RFTN2: variants seen among roughly 807,000 people sequenced by gnomAD.
RFTN2 encodes the protein raftlin family member 2.
RFTN2 carries 34 observed loss-of-function variants against 52.7 expected under a neutral mutation model. The observed-to-expected ratio is 0.64, with a 90% CI of 0.49 to 0.86. The LOEUF is 0.86. Among genes scored for constraint, RFTN2 ranks in the 40% least tolerant of loss-of-function variants. The pLI is 0.00. For missense variants in RFTN2, 536 were observed against 600.1 expected, an observed-to-expected ratio of 0.89 and a Z score of 1.12; for synonymous variants, 203 against 217.7, an observed-to-expected ratio of 0.93 and a Z score of 0.59.
intron 1 of RFTN2, among the ~76,000 whole-genome samples, chr2:197,664,943 G>A (rs377105528): frequency 3.3e-5 from 5 of 152,304 alleles, no homozygotes; most frequent in South Asian, 4.1e-4. Flanking sequence ...TTTAAATCCA[G>A]TCTTTCATTG....
intron 8 of RFTN2, among the ~76,000 whole-genome samples, chr2:197,579,880 G>A (rs553169253): frequency 2.6e-5 from 4 of 152,128 alleles, no homozygotes; most frequent in African/African-American, 7.2e-5. Flanking sequence ...CACCTGGTCT[G>A]GCTTACAGTT....
At chr2:197,646,734 T>A in intron 1 of RFTN2, 68 bp from the exon 2 acceptor site, 1 of 1,226,462 alleles carries the variant, frequency 8.2e-7, no homozygotes. Flanking sequence ...TTTCTACCTA[T>A]GGGTGATAAT....
chr2:197,580,510 A>T (rs1057434472), intron 8 of RFTN2, among the ~76,000 whole-genome samples: 2 of 152,050 alleles, frequency 1.3e-5, no homozygotes, highest in African/African-American at 4.8e-5. Flanking sequence ...CCTGGCAGCC[A>T]CTCCCAGAGC....
At chr2:197,649,198 G>A (rs1186707695) in intron 1 of RFTN2, among the ~76,000 whole-genome samples, 2 of 152,280 alleles carry the variant, frequency 1.3e-5, no homozygotes, top group South Asian at 2.1e-4. Context: ...AAAAACATAG[G>A]CAGTGACGTG....
chr2:197,594,532 A>G (rs1007683734), intron 8 of RFTN2, among the ~76,000 whole-genome samples: 100 of 151,962 alleles, frequency 6.6e-4, no homozygotes, highest in African/African-American at 2.2e-3. Context: ...GGGTCTGCCA[A>G]TGTTTCCCAG....
At chr2:197,590,609 G>A (rs547087718) in intron 8 of RFTN2, among the ~76,000 whole-genome samples, 1 of 152,214 alleles carries the variant, frequency 6.6e-6, no homozygotes, top group Non-Finnish European at 1.5e-5. Flanking sequence ...CTCTCACGGT[G>A]AGTGTTATGG....
At chr2:197,614,418 C>T (rs1012319097) in intron 7 of RFTN2, among the ~76,000 whole-genome samples, 2 of 152,102 alleles carry the variant, frequency 1.3e-5, no homozygotes, top group African/African-American at 4.8e-5. Flanking sequence ...CCACCTCTAC[C>T]CTCAATAAAA....
chr2:197,579,682 C>G (rs1360145305), intron 8 of RFTN2, among the ~76,000 whole-genome samples: 1 of 152,072 alleles, frequency 6.6e-6, no homozygotes, highest in African/African-American at 2.4e-5. Context: ...CCTACCTGTC[C>G]CCTCAGTCCC....
chr2:197,611,009 GT>G (rs1301003333), intron 7 of RFTN2, among the ~76,000 whole-genome samples: 1 of 152,196 alleles, frequency 6.6e-6, no homozygotes, highest in East Asian at 1.9e-4. Flanking sequence ...GCTGGATTCG[GT>G]TTGCCAGTAT....
Position 197,675,313 on chromosome 2 carries a change from A to C in RFTN2, c.139+7T>G, listed in dbSNP as rs1304163661. The C allele has an allele frequency of 6.3e-7, 1 of 1,579,800 alleles. No homozygotes were observed. ...CATTTAACAAACAAAATAGAAGCAA[A>C]AAGTACCTTGTAGAGTAAAATCCAG... On this transcript the variant is annotated splice_region_variant and intron_variant, in intron 1 of 8. Transcript: ENST00000295049.
intron 8 of RFTN2, among the ~76,000 whole-genome samples, chr2:197,590,128 C>T (rs991803659): frequency 4.0e-5 from 6 of 151,792 alleles, no homozygotes; most frequent in African/African-American, 1.5e-4. Context: ...TGGTCTCACA[C>T]TCCTGGATTC....
chr2:197,589,856 G>C (rs1039325641), intron 8 of RFTN2, among the ~76,000 whole-genome samples: 11 of 151,994 alleles, frequency 7.2e-5, no homozygotes, highest in Non-Finnish European at 1.3e-4. Flanking sequence ...TTTATATTTT[G>C]ATGAATTATA....
intron 3 of RFTN2, 31 bp downstream of exon 3, chr2:197,644,127 T>A (rs1409046968): frequency 8.6e-7 from 1 of 1,165,638 alleles, no homozygotes; most frequent in East Asian, 2.3e-5. Flanking sequence ...TGTTTGTCAA[T>A]ATCCCATGAA....
At chr2:197,665,329 C>T (rs2089036572) in intron 1 of RFTN2, among the ~76,000 whole-genome samples, 1 of 152,016 alleles carries the variant, frequency 6.6e-6, no homozygotes, top group Non-Finnish European at 1.5e-5. Context: ...TATTTACTGT[C>T]TGGATGATCT....
intron 8 of RFTN2, among the ~76,000 whole-genome samples, chr2:197,581,163 A>G (rs2087502028): frequency 6.6e-6 from 1 of 152,212 alleles, no homozygotes; most frequent in South Asian, 2.1e-4. Flanking sequence ...CTGCTACAGC[A>G]TGGGCTTCTA....
At chr2:197,630,636 G>A (rs2088453703) in intron 5 of RFTN2, among the ~76,000 whole-genome samples, 1 of 152,148 alleles carries the variant, frequency 6.6e-6, no homozygotes. Context: ...ATGGTAGATA[G>A]TGTTCAAAAT....
At chr2:197,661,760 G>GT (rs2088980279) in intron 1 of RFTN2, among the ~76,000 whole-genome samples, 1 of 152,166 alleles carries the variant, frequency 6.6e-6, no homozygotes, top group Non-Finnish European at 1.5e-5. Context: ...CACCAACGGT[G>GT]TATAAGAGTT....
intron 1 of RFTN2, among the ~76,000 whole-genome samples, chr2:197,652,539 T>C (rs551661038): frequency 2.4e-4 from 37 of 152,336 alleles, no homozygotes; most frequent in Admixed American, 7.2e-4. Flanking sequence ...AAGAGAGATA[T>C]ATAATGAAAT....
chr2:197,633,545 C>T (rs1212298057), intron 4 of RFTN2, among the ~76,000 whole-genome samples, 173 bp downstream of exon 4: 1 of 152,040 alleles, frequency 6.6e-6, no homozygotes, highest in African/African-American at 2.4e-5. Context: ...TAAAAAACTG[C>T]CCTGCCTTAT....
Sources: allele counts gnomAD v4.1 joint callset (sites outside exome capture counted in the v4.1 genomes callset), GRCh38; gene constraint gnomAD v4.1.1; transcripts MANE v1.5; gene names NCBI Gene and HGNC (gene_info 2026-07-23, HGNC 2026-07-21).